Variants in ANKRD44 observed in about 807,000 individuals in gnomAD.
The protein encoded by ANKRD44 is ankyrin repeat domain 44, also known as serine/threonine-protein phosphatase 6 regulatory ankyrin repeat subunit B.
Under a neutral mutation model 116.0 loss-of-function variants are expected in ANKRD44, and 35 were observed. The observed-to-expected ratio is 0.30, with a 90% CI of 0.23 to 0.40. ANKRD44 has a LOEUF of 0.40. ANKRD44 is among the 10% of genes least tolerant of loss of function. ANKRD44 has a pLI of 1.00. For missense variants in ANKRD44, 1,014 were observed against 1,242.6 expected (o/e 0.82, Z 2.77); for synonymous variants, 435 against 461.8 (o/e 0.94, Z 0.74).
intron 2 of ANKRD44, among the ~76,000 whole-genome samples, chr2:197,149,111 A>C (rs552558526): frequency 4.8e-4 from 73 of 152,328 alleles, no homozygotes; most frequent in Admixed American, 1.2e-3. Context: ...ATATCTACTT[A>C]AAATTTTCTA....
chr2:197,090,016 T>G lies in ANKRD44; in HGVS notation c.1117A>C (p.Met373Leu). 6.2e-7 allele frequency: 1 copy of G among 1,614,018 alleles called. No homozygotes were observed. The highest frequency in any genetic ancestry group is 8.5e-7 in the Non-Finnish European group (1 of 1,179,892). The change falls in exon 11 of 28, where the codon ATG becomes CTG. Residue 373 changes from methionine to leucine, a missense_variant. Met to Leu is a conservative substitution (Grantham distance 15). Transcript: ENST00000282272. ...AGGGCAGCTAAATGTAAAGGGAACA[T>G]GCTATGGATTCCACACCTGAGGAGT... ...ADTAKCGIHS[M>L]FPLHLAALNA...
Position 197,022,869 on chromosome 2 carries a change from A to T in ANKRD44, c.1722+2327T>A, listed in dbSNP as rs148687576. On this transcript the variant is annotated intron_variant, in intron 17 of 27. Coordinates refer to ENST00000282272, the MANE Select transcript of ANKRD44 (RefSeq NM_001195144.2). Reference sequence around the variant, plus strand: ...AATAAGCACCCTGTCTGCCATCTCAATACTTTCTATCTCCCTGATCCCATT... The same window carrying T: ...AATAAGCACCCTGTCTGCCATCTCATTACTTTCTATCTCCCTGATCCCATT... 1.4e-3 allele frequency among the ~76,000 whole-genome samples: 210 copies of T among 152,302 alleles called. 7 individuals are homozygous for T. The East Asian group carries it at 0.039, about 28-fold the overall frequency.
At chr2:197,168,691 C>G (rs73991232) in intron 2 of ANKRD44, among the ~76,000 whole-genome samples, 8,654 of 152,212 alleles carry the variant, frequency 0.057, 820 homozygotes, top group African/African-American at 0.2. Flanking sequence ...TTTTTAGATG[C>G]TCTCTCTTCC....
intron 7 of ANKRD44, 68 bp from the exon 8 acceptor site, chr2:197,121,612 G>T: frequency 7.4e-7 from 1 of 1,352,790 alleles, no homozygotes; most frequent in Non-Finnish European, 1.0e-6. Context: ...TCCACAAAAA[G>T]CATAACGGCT....
intron 16 of ANKRD44, among the ~76,000 whole-genome samples, chr2:197,069,792 C>A (rs2077521087): frequency 6.6e-6 from 1 of 151,948 alleles, no homozygotes; most frequent in Non-Finnish European, 1.5e-5. Flanking sequence ...TCTATGAAAA[C>A]CTTGCTAGAA....
At chr2:197,155,786 A>G (rs2079793798) in intron 2 of ANKRD44, among the ~76,000 whole-genome samples, 2 of 152,270 alleles carry the variant, frequency 1.3e-5, no homozygotes, top group Admixed American at 6.5e-5. Flanking sequence ...ACATCAGAGC[A>G]AAACCCATAA....
chr2:197,152,467 C>A (rs112341906), intron 2 of ANKRD44, among the ~76,000 whole-genome samples: 5,925 of 152,228 alleles, frequency 0.039, 145 homozygotes, highest in Middle Eastern at 0.075. Flanking sequence ...AATGAGAAGA[C>A]CCAGGTTCCT....
At chr2:197,255,652 G>T (rs2105693305) in intron 1 of ANKRD44, among the ~76,000 whole-genome samples, 1 of 152,314 alleles carries the variant, frequency 6.6e-6, no homozygotes, top group South Asian at 2.1e-4. Context: ...TTTTTTCTAG[G>T]CTGTTACATG....
intron 9 of ANKRD44, among the ~76,000 whole-genome samples, chr2:197,103,039 C>T (rs547953481): frequency 6.6e-6 from 1 of 152,010 alleles, no homozygotes; most frequent in Non-Finnish European, 1.5e-5. Context: ...ACCATCCTGG[C>T]AAACACGGTG....
At chr2:197,179,590 T>C (rs2080454168) in intron 2 of ANKRD44, among the ~76,000 whole-genome samples, 1 of 152,236 alleles carries the variant, frequency 6.6e-6, no homozygotes, top group African/African-American at 2.4e-5. Context: ...ATAATACTAA[T>C]GCCATACACT....
chr2:197,286,534 G>A lies in ANKRD44; in HGVS notation c.27+24044C>T, dbSNP rs550099899. The stretch of plus-strand genomic sequence containing the variant: ...GGACTACAAGGACGCCACAATGTCT[G>A]GCTAATTTTTTTTTTAATTTTTTGT... On this transcript the variant is annotated intron_variant, in intron 1 of 27. Transcript: ENST00000282272. Among the ~76,000 whole-genome samples, 25 of 151,776 alleles carry A rather than the reference G, an allele frequency of 1.6e-4. No homozygotes were observed. In the East Asian group the frequency reaches 4.7e-3, roughly 28 times the overall value.
chr2:197,057,235 G>A (rs1467981491), intron 16 of ANKRD44, among the ~76,000 whole-genome samples: 2 of 152,154 alleles, frequency 1.3e-5, no homozygotes, highest in African/African-American at 4.8e-5. Context: ...CTAAATACTT[G>A]CATTGATTGA....
intron 2 of ANKRD44, among the ~76,000 whole-genome samples, chr2:197,148,494 C>G (rs550528660): frequency 6.6e-6 from 1 of 152,264 alleles, no homozygotes; most frequent in South Asian, 2.1e-4. Context: ...AATCATTATT[C>G]CTTTCATAAT....
intron 1 of ANKRD44, among the ~76,000 whole-genome samples, chr2:197,247,211 G>A (rs968644755): frequency 1.3e-5 from 2 of 152,154 alleles, no homozygotes; most frequent in Non-Finnish European, 2.9e-5. Flanking sequence ...CTCTGAACAT[G>A]ACGCCAGGCA....
At chr2:196,999,956 C>T (rs892982291) in intron 23 of ANKRD44, among the ~76,000 whole-genome samples, 7 of 152,086 alleles carry the variant, frequency 4.6e-5, no homozygotes, top group African/African-American at 1.4e-4. Flanking sequence ...TGGAAACAAT[C>T]TAAATGTTCT....
intron 1 of ANKRD44, among the ~76,000 whole-genome samples, chr2:197,276,275 C>CAAAAA (rs11351342): frequency 9.3e-6 from 1 of 108,064 alleles, no homozygotes. Context: ...AACTTGGTCT[C>CAAAAA]AAAAAAAAAA....
In ANKRD44 at chr2:197,032,673, C is replaced by T. The variant is rs575727077; in HGVS notation, c.1651-7406G>A. 5.9e-5 allele frequency among the ~76,000 whole-genome samples: 9 copies of T among 152,230 alleles called. No individual in the cohort carries two copies. In the South Asian group the frequency reaches 1.9e-3, roughly 32 times the overall value. ...AAAATGTTGGGATTACAGGCGTGAG[C>T]CATGGCACCCAGCTGGAAGTGTCAC... On this transcript the variant is annotated intron_variant, in intron 16 of 27. Transcript: ENST00000282272.
At chr2:197,076,618 A>G (rs1444582803) in intron 16 of ANKRD44, among the ~76,000 whole-genome samples, 7 of 152,024 alleles carry the variant, frequency 4.6e-5, no homozygotes, top group Admixed American at 4.6e-4. Context: ...TAAGCCTTTT[A>G]CCAAATAGTT....
intron 7 of ANKRD44, among the ~76,000 whole-genome samples, chr2:197,121,838 C>T (rs73051354): frequency 0.059 from 8,916 of 152,124 alleles, 519 homozygotes; most frequent in African/African-American, 0.15. Context: ...AAGCTGCTTT[C>T]AAAACACCAA....
Sources: allele counts gnomAD v4.1 joint callset (sites outside exome capture counted in the v4.1 genomes callset), GRCh38; gene constraint gnomAD v4.1.1; transcripts MANE v1.5; gene names NCBI Gene and HGNC (gene_info 2026-07-23, HGNC 2026-07-21).